Variants in TENM2 observed in about 807,000 individuals in gnomAD.
TENM2 encodes teneurin transmembrane protein 2.
A neutral mutation model predicts 245.2 loss-of-function variants in TENM2; 52 were observed. The observed-to-expected ratio is 0.21, with a 90% CI of 0.17 to 0.27. The LOEUF (loss-of-function observed/expected upper bound fraction) is 0.27, where lower values mean the gene tolerates loss of function less well. TENM2 is among the 10% of genes least tolerant of loss of function. The probability of loss-of-function intolerance (pLI) is 1.00; values close to 1 mark genes in which losing one functional copy is unlikely to be tolerated. For missense variants in TENM2, 3,046 were observed against 3,666.8 expected, an observed-to-expected ratio of 0.83 and a Z score of 4.37; for synonymous variants, 1,363 against 1,438.9, an observed-to-expected ratio of 0.95 and a Z score of 1.19.
At chr5:168,058,171 C>T (rs1391984249) in intron 6 of TENM2, among the ~76,000 whole-genome samples, 1 of 152,220 alleles carries the variant, frequency 6.6e-6, no homozygotes, top group Non-Finnish European at 1.5e-5. Context: ...GACCGCAGCA[C>T]ATCCATTTTC....
intron 2 of TENM2, among the ~76,000 whole-genome samples, chr5:167,795,668 A>G (rs1765266454): frequency 1.3e-5 from 2 of 152,100 alleles, no homozygotes; most frequent in Non-Finnish European, 2.9e-5. Flanking sequence ...TCCCAAAAGT[A>G]AAAGAAAGAA....
chr5:167,519,909 C>A (rs1770639564), intron 2 of TENM2, among the ~76,000 whole-genome samples: 1 of 152,090 alleles, frequency 6.6e-6, no homozygotes, highest in Admixed American at 6.6e-5. Flanking sequence ...AACTCTGATA[C>A]ATGTTTACAA....
intron 2 of TENM2, among the ~76,000 whole-genome samples, chr5:167,393,429 A>G (rs1345573521): frequency 6.6e-6 from 1 of 152,158 alleles, no homozygotes; most frequent in Non-Finnish European, 1.5e-5. Flanking sequence ...CTAGCTGTGA[A>G]AGGGAATTGA....
intron 2 of TENM2, among the ~76,000 whole-genome samples, chr5:167,515,593 A>T (rs1326514129): frequency 1.3e-5 from 2 of 148,346 alleles, no homozygotes; most frequent in African/African-American, 4.9e-5. Flanking sequence ...TAGAGAAGAT[A>T]GTGAATCATA....
chr5:167,688,694 G>T (rs1424941269), intron 2 of TENM2, among the ~76,000 whole-genome samples: 1 of 152,190 alleles, frequency 6.6e-6, no homozygotes, highest in Non-Finnish European at 1.5e-5. Context: ...TGCATTTTCT[G>T]TAGCAGTTTT....
chr5:167,217,273 G>A, the TENM2 span, among the ~76,000 whole-genome samples: 31 of 152,182 alleles, frequency 2.0e-4, no homozygotes, highest in African/African-American at 6.7e-4. Context: ...ATCCTTTGGA[G>A]TTTTAATTAC....
At chr5:167,096,685 G>GTT in the TENM2 span, among the ~76,000 whole-genome samples, 2 of 152,210 alleles carry the variant, frequency 1.3e-5, no homozygotes, top group African/African-American at 4.8e-5. Context: ...TTTCTCAGTT[G>GTT]TTCCTCTATT....
rs146856993 is a variant in TENM2 at position 167,558,548 on chromosome 5, C to T, written c.502+183075C>T. Among the ~76,000 whole-genome samples the T allele has an allele frequency of 4.6e-5, 7 of 152,116 alleles. No individual in the cohort carries two copies. In the East Asian group the frequency reaches 5.8e-4, roughly 13 times the overall value. On this transcript the variant is annotated intron_variant, in intron 2 of 28. Transcript: ENST00000518659. ...AGATCAGCAGCAGCAGCATTAGATT[C>T]GCATAGGAGCATGAACCCCATTATG... is the stretch of plus-strand genomic sequence containing the variant.
In TENM2 at chr5:167,514,108, T is replaced by G. The variant is rs77795889; in HGVS notation, c.502+138635T>G. On this transcript the variant is annotated intron_variant, in intron 2 of 28. Coordinates refer to ENST00000518659, the Ensembl canonical transcript of TENM2. Reference sequence around the variant, plus strand: ...TGCTCTCTTCAACTCAGTGGCCCCATGACTTTGCATAGGACATTTTAACTT... The same window carrying G: ...TGCTCTCTTCAACTCAGTGGCCCCAGGACTTTGCATAGGACATTTTAACTT... 4.3e-3 allele frequency among the ~76,000 whole-genome samples: 659 copies of G among 152,356 alleles called. 13 individuals carry two copies. In the East Asian group the frequency reaches 0.053, roughly 12 times the overall value.
At chr5:167,812,192 C>T (rs1355853692) in intron 2 of TENM2, among the ~76,000 whole-genome samples, 1 of 152,070 alleles carries the variant, frequency 6.6e-6, no homozygotes, top group Non-Finnish European at 1.5e-5. Context: ...TCCTGCAGCA[C>T]AAAGTAAAAG....
At chr5:167,425,030 C>T (rs980544216) in intron 2 of TENM2, among the ~76,000 whole-genome samples, 2 of 152,126 alleles carry the variant, frequency 1.3e-5, no homozygotes, top group East Asian at 3.9e-4. Flanking sequence ...AGGTTTTGCA[C>T]AGTGCAATTT....
At chr5:168,222,806 T>C (rs1046158188) in intron 23 of TENM2, among the ~76,000 whole-genome samples, 1 of 152,228 alleles carries the variant, frequency 6.6e-6, no homozygotes, top group Non-Finnish European at 1.5e-5. Flanking sequence ...CTATTTTCTA[T>C]CTTGGTTTAG....
chr5:168,164,911 G>A (rs540688100), intron 13 of TENM2, among the ~76,000 whole-genome samples: 27 of 152,368 alleles, frequency 1.8e-4, no homozygotes, highest in African/African-American at 5.5e-4. Context: ...GTCAGCCACT[G>A]CCTTCATGGC....
chr5:167,692,438 A>T (rs931991831), intron 2 of TENM2, among the ~76,000 whole-genome samples: 2 of 152,110 alleles, frequency 1.3e-5, no homozygotes, highest in African/African-American at 4.8e-5. Context: ...AGGAATCTGT[A>T]TTTTTAATTA....
chr5:167,377,484 C>T (rs1760830274), intron 2 of TENM2, among the ~76,000 whole-genome samples: 1 of 152,106 alleles, frequency 6.6e-6, no homozygotes, highest in African/African-American at 2.4e-5. Flanking sequence ...TTAAAATATA[C>T]AGGTAGAATG....
chr5:167,003,342 C>T, the TENM2 span, among the ~76,000 whole-genome samples: 2 of 152,174 alleles, frequency 1.3e-5, no homozygotes, highest in Non-Finnish European at 2.9e-5. Flanking sequence ...ATAAAAACCT[C>T]TTCCTGAGTG....
At position 167,996,719 on chromosome 5, in the gene TENM2, T is replaced by TTTGTTTGTTTGTTTG. The variant is rs113308061; in HGVS notation, c.1186+3539_1186+3540insGTTTGTTTGTTTGTT. Reference sequence around the variant, plus strand: ...TAGAAGCATTTCCATTTGAATCACTTTTTGTTTGTTTGTTTGTTTGTTTGT... The same window carrying TTTGTTTGTTTGTTTG: ...TAGAAGCATTTCCATTTGAATCACTTTTGTTTGTTTGTTTGTTTGTTTGTTTGTTTGTTTGTTTGT... On this transcript the variant is annotated intron_variant, in intron 5 of 28. Transcript: ENST00000518659. Among the ~76,000 whole-genome samples, 18 of 150,986 alleles carry TTTGTTTGTTTGTTTG rather than the reference T, an allele frequency of 1.2e-4. 1 individual carries two copies. Among genetic ancestry groups the TTTGTTTGTTTGTTTG allele is most frequent in the East Asian group, 2.0e-4 (1 of 5,076 alleles).
intron 3 of TENM2, among the ~76,000 whole-genome samples, chr5:167,913,215 G>A (rs1776684843): frequency 6.6e-6 from 1 of 152,158 alleles, no homozygotes; most frequent in African/African-American, 2.4e-5. Flanking sequence ...GTACAACCTG[G>A]AGTTTCTGAC....
At chr5:168,061,066 C>T (rs1789995126) in intron 6 of TENM2, among the ~76,000 whole-genome samples, 1 of 152,176 alleles carries the variant, frequency 6.6e-6, no homozygotes, top group Admixed American at 6.5e-5. Context: ...AATGAAAAGA[C>T]TCCCCTCAAA....
Sources: gnomAD v4.1 joint callset for allele counts (sites outside exome capture counted in the v4.1 genomes callset) on GRCh38, gnomAD v4.1.1 for gene constraint, MANE v1.5 for transcripts, NCBI Gene and HGNC (gene_info 2026-07-23, HGNC 2026-07-21) for gene names.